ELMO1: variants seen among roughly 807,000 people sequenced by gnomAD.
ELMO1 encodes the protein engulfment and cell motility 1.
ELMO1 carries 26 observed loss-of-function variants against 98.9 expected under a neutral mutation model. That is an observed-to-expected ratio of 0.26 (90% CI 0.19 to 0.36). The LOEUF (loss-of-function observed/expected upper bound fraction) is 0.36. ELMO1 is among the 10% of genes least tolerant of loss of function. ELMO1 has a pLI of 1.00. For missense variants in ELMO1, 627 were observed against 935.2 expected (o/e 0.67, Z 4.30); for synonymous variants, 346 against 346.0 (o/e 1.00, Z 0.00).
intron 2 of ELMO1, among the ~76,000 whole-genome samples, chr7:37,320,410 AAAC>A (rs1273143842): frequency 3.9e-5 from 6 of 152,022 alleles, no homozygotes; most frequent in African/African-American, 7.2e-5. Flanking sequence ...CACCAAAAAC[AAAC>A]AAACAAAAAA....
chr7:37,320,504 A>T (rs934477457), intron 2 of ELMO1, among the ~76,000 whole-genome samples: 4 of 152,192 alleles, frequency 2.6e-5, no homozygotes, highest in Non-Finnish European at 4.4e-5. Flanking sequence ...AACTCTAACA[A>T]GGGACTCTTA....
rs1187460550 is a variant in ELMO1, at chr7:37,339,876, A to G, written c.78+2737T>C. The stretch of plus-strand genomic sequence containing the variant: ...ATGTACCTCTTGATATGATGAGCCA[A>G]AAAGGACACATCATTTCTCTACATT... On this transcript the variant is annotated intron_variant, in intron 2 of 21. Transcript: ENST00000310758. Among the ~76,000 whole-genome samples, 3 of 152,208 alleles carry G rather than the reference A, an allele frequency of 2.0e-5. No individual in the cohort carries two copies. The South Asian group carries it at 6.2e-4, about 31-fold the overall frequency.
At chr7:36,928,939 G>C (rs916321356) in intron 16 of ELMO1, among the ~76,000 whole-genome samples, 1 of 152,250 alleles carries the variant, frequency 6.6e-6, no homozygotes, top group Non-Finnish European at 1.5e-5. Flanking sequence ...ACTGGTAGCA[G>C]CATGACCTCA....
intron 16 of ELMO1, among the ~76,000 whole-genome samples, chr7:36,904,589 T>C (rs972392265): frequency 6.6e-6 from 1 of 152,174 alleles, no homozygotes; most frequent in Non-Finnish European, 1.5e-5. Flanking sequence ...CTGCACCTCA[T>C]GAGAAAGCAC....
intron 1 of ELMO1, among the ~76,000 whole-genome samples, chr7:37,441,702 C>T (rs1055514748): frequency 8.5e-5 from 13 of 152,160 alleles, no homozygotes; most frequent in African/African-American, 2.7e-4. Context: ...GAATTCAAAA[C>T]GTTGTTAAGA....
At chr7:37,345,753 G>A (rs6966893) in intron 1 of ELMO1, among the ~76,000 whole-genome samples, 20,830 of 151,688 alleles carry the variant, frequency 0.14, 1,553 homozygotes, top group Non-Finnish European at 0.17. Flanking sequence ...ACTTTGGGAG[G>A]CCGAGGCAGG....
chr7:37,264,112 G>A (rs943148581), intron 5 of ELMO1, among the ~76,000 whole-genome samples: 1 of 152,184 alleles, frequency 6.6e-6, no homozygotes, highest in Non-Finnish European at 1.5e-5. Flanking sequence ...AATATTAAGA[G>A]AAACAGCCAA....
At chr7:37,408,737 G>A (rs1475820123) in intron 1 of ELMO1, among the ~76,000 whole-genome samples, 2 of 152,100 alleles carry the variant, frequency 1.3e-5, no homozygotes, top group Non-Finnish European at 2.9e-5. Flanking sequence ...AAAATACAGT[G>A]GTAGTTGCCA....
At chr7:36,865,690 A>T (rs1802986510) in intron 20 of ELMO1, among the ~76,000 whole-genome samples, 1 of 152,182 alleles carries the variant, frequency 6.6e-6, no homozygotes, top group Non-Finnish European at 1.5e-5. Flanking sequence ...GTCCTGCATC[A>T]CCTTTCTCAA....
At chr7:36,898,274 A>T (rs1806192471) in intron 16 of ELMO1, among the ~76,000 whole-genome samples, 1 of 152,158 alleles carries the variant, frequency 6.6e-6, no homozygotes. Context: ...ACCCTTTACC[A>T]TTTGTTTGAA....
chr7:36,855,459 G>C lies in ELMO1; in HGVS notation c.*92C>G. On this transcript the variant is annotated 3_prime_UTR_variant, in exon 22 of 22. Coordinates refer to ENST00000310758, the MANE Select transcript of ELMO1 (RefSeq NM_014800.11). This position sits in a 1 kb window ranked among gnomAD's most constrained non-coding sequence, Gnocchi z 4.2. ...GGACCCACAGCTTCCCTTTACCAAAGGACGGTTCCAAGGCGTGGGTGTGTT... is the reference window on the plus strand; with the variant it reads ...GGACCCACAGCTTCCCTTTACCAAACGACGGTTCCAAGGCGTGGGTGTGTT... 7 of 1,516,444 alleles carry C rather than the reference G, an allele frequency of 4.6e-6. No homozygotes were observed. The highest frequency in any genetic ancestry group is 6.4e-6 in the Non-Finnish European group (7 of 1,100,972). The allele number at this position is 1,516,444 out of a possible 1,614,324, so 93.9% of individuals were successfully genotyped here.
At chr7:37,394,122 G>GC in intron 1 of ELMO1, among the ~76,000 whole-genome samples, 1 of 152,136 alleles carries the variant, frequency 6.6e-6, no homozygotes, top group Non-Finnish European at 1.5e-5. Flanking sequence ...TCCCTGTTAG[G>GC]CCCAGGGACA....
At chr7:37,328,593 G>A (rs1455587758) in intron 2 of ELMO1, among the ~76,000 whole-genome samples, 1 of 152,068 alleles carries the variant, frequency 6.6e-6, no homozygotes, top group Non-Finnish European at 1.5e-5. Context: ...CTGGAGCTGG[G>A]TGCCTTGGTT....
chr7:37,354,690 TC>T (rs1253493709), intron 1 of ELMO1, among the ~76,000 whole-genome samples: 1 of 152,150 alleles, frequency 6.6e-6, no homozygotes, highest in East Asian at 1.9e-4. Context: ...GCTCCCTTCC[TC>T]CCAGCAAGCC....
chr7:37,394,698 T>G (rs1186446701), intron 1 of ELMO1, among the ~76,000 whole-genome samples: 1 of 152,006 alleles, frequency 6.6e-6, no homozygotes, highest in Non-Finnish European at 1.5e-5. Flanking sequence ...CTGCAGAATT[T>G]TGCATCAATG....
intron 16 of ELMO1, among the ~76,000 whole-genome samples, chr7:36,981,021 G>A (rs1402008284): frequency 1.3e-5 from 2 of 151,744 alleles, no homozygotes; most frequent in East Asian, 3.9e-4. Context: ...CAGGAAATGG[G>A]GACCACTGGG....
intron 13 of ELMO1, among the ~76,000 whole-genome samples, chr7:37,185,784 C>T (rs1044125570): frequency 1.3e-5 from 2 of 152,172 alleles, no homozygotes; most frequent in Non-Finnish European, 2.9e-5. Flanking sequence ...AAAACTGCTA[C>T]ACAACACTGT....
At chr7:37,370,850 T>G (rs1802089114) in intron 1 of ELMO1, among the ~76,000 whole-genome samples, 1 of 152,208 alleles carries the variant, frequency 6.6e-6, no homozygotes, top group Non-Finnish European at 1.5e-5. Context: ...TGGAAACAAG[T>G]TGGCATTGCC....
chr7:37,016,514 T>A (rs927181427), intron 15 of ELMO1, among the ~76,000 whole-genome samples: 27 of 152,324 alleles, frequency 1.8e-4, no homozygotes, highest in African/African-American at 5.5e-4. Context: ...CATTTCTCTG[T>A]GGTTGCTGCT....
Sources: gnomAD v4.1 joint callset for allele counts (sites outside exome capture counted in the v4.1 genomes callset) on GRCh38, gnomAD v4.1.1 for gene constraint, Gnocchi (gnomAD v3.1) non-coding constraint, MANE v1.5 for transcripts, NCBI Gene and HGNC (gene_info 2026-07-23, HGNC 2026-07-21) for gene names.